FAM83B: variants seen among roughly 807,000 people sequenced by gnomAD.
FAM83B encodes the protein scaffolding CK1 anchoring protein B.
Under a neutral mutation model 38.8 loss-of-function variants are expected in FAM83B, and 26 were observed. That is an observed-to-expected ratio of 0.67 (90% CI 0.49 to 0.93). The LOEUF is 0.93. Among genes scored for constraint, FAM83B ranks in the 40% least tolerant of loss-of-function variants. FAM83B has a pLI of 0.00. For synonymous variants in FAM83B, 419 were observed against 423.1 expected (o/e 0.99, Z 0.12); for missense variants, 1,237 against 1,197.3 (o/e 1.03, Z -0.49).
rs1189061962 is a variant in FAM83B at position 54,941,117 on chromosome 6, A to C, written c.2146A>C (p.Asn716His). Reference sequence around the variant, plus strand: ...TAAAAGCATGCACAATGTGACTCATAACTTGGAGGAGGATGAGGAGGAAGT... The same window carrying C: ...TAAAAGCATGCACAATGTGACTCATCACTTGGAGGAGGATGAGGAGGAAGT... ...SSKSMHNVTHNLEEDEEEVTK... is the reference protein window; with the variant it reads ...SSKSMHNVTHHLEEDEEEVTK... Residue 716 changes from asparagine (N) to histidine (H), a missense_variant, in exon 5 of 5, where the codon AAC becomes CAC. Physicochemically the swap from Asn to His is moderately conservative, Grantham distance 68 (BLOSUM62 1). Transcript: ENST00000306858. 1 of 1,613,652 alleles carries C rather than the reference A, an allele frequency of 6.2e-7. No homozygotes were observed. The highest frequency in any genetic ancestry group is 2.2e-5 in the East Asian group (1 of 44,864).
intron 1 of FAM83B, among the ~76,000 whole-genome samples, chr6:54,850,762 T>A (rs1463231200): frequency 1.3e-5 from 2 of 152,120 alleles, no homozygotes; most frequent in East Asian, 3.9e-4. Flanking sequence ...GGCTCACACG[T>A]GTAATCCCAG....
chr6:54,888,247 A>G (rs1420640729), intron 2 of FAM83B, among the ~76,000 whole-genome samples: 3 of 151,744 alleles, frequency 2.0e-5, no homozygotes, highest in Admixed American at 6.6e-5. Context: ...TGAATTCAAT[A>G]TATGTTTTAT....
At chr6:54,865,732 C>G (rs1771684690) in intron 1 of FAM83B, among the ~76,000 whole-genome samples, 4 of 152,116 alleles carry the variant, frequency 2.6e-5, no homozygotes, top group Non-Finnish European at 5.9e-5. Context: ...GAACATTTTC[C>G]CACTGACCTA....
chr6:54,929,610 C>T (rs1276156552), intron 4 of FAM83B, among the ~76,000 whole-genome samples: 4 of 152,078 alleles, frequency 2.6e-5, no homozygotes, highest in Non-Finnish European at 5.9e-5. Context: ...ATGAAAGTTA[C>T]TTTCAAAAGA....
chr6:54,921,681 T>G (rs1773171888), intron 2 of FAM83B, among the ~76,000 whole-genome samples: 1 of 152,036 alleles, frequency 6.6e-6, no homozygotes, highest in Admixed American at 6.6e-5. Context: ...TAGAACTGGT[T>G]TCTTGATTAA....
intron 4 of FAM83B, among the ~76,000 whole-genome samples, chr6:54,935,057 A>C (rs1773498993): frequency 6.6e-6 from 1 of 152,186 alleles, no homozygotes; most frequent in African/African-American, 2.4e-5. Flanking sequence ...AAAAGAAATA[A>C]ACCTGCATGA....
chr6:54,862,878 C>CCA (rs1771618981), intron 1 of FAM83B, among the ~76,000 whole-genome samples: 1 of 150,078 alleles, frequency 6.7e-6, no homozygotes, highest in Admixed American at 6.6e-5. Context: ...AACCCCCCCC[C>CCA]AAAAAAACCA....
chr6:54,864,331 TC>T (rs2127573842), intron 1 of FAM83B, among the ~76,000 whole-genome samples: 1 of 152,300 alleles, frequency 6.6e-6, no homozygotes, highest in South Asian at 2.1e-4. Context: ...CAAATGGGAT[TC>T]CCATTTGAGA....
chr6:54,923,165 A>C (rs1773209469), intron 2 of FAM83B, among the ~76,000 whole-genome samples: 1 of 151,968 alleles, frequency 6.6e-6, no homozygotes, highest in South Asian at 2.1e-4. Context: ...TGATGTTTTC[A>C]TCTGTAACTA....
intron 1 of FAM83B, among the ~76,000 whole-genome samples, chr6:54,853,536 T>C (rs2127571560): frequency 6.6e-6 from 1 of 152,264 alleles, no homozygotes; most frequent in African/African-American, 2.4e-5. Context: ...CTAAATCTAG[T>C]CTGCCTGTGC....
chr6:54,851,646 T>TG (rs1279181474), intron 1 of FAM83B, among the ~76,000 whole-genome samples: 1 of 107,670 alleles, frequency 9.3e-6, no homozygotes, highest in Non-Finnish European at 2.0e-5. Flanking sequence ...CTAATTTTTG[T>TG]GTTTTTTTTT....
At chr6:54,914,176 T>C (rs1235301232) in intron 2 of FAM83B, among the ~76,000 whole-genome samples, 1 of 152,122 alleles carries the variant, frequency 6.6e-6, no homozygotes, top group Non-Finnish European at 1.5e-5. Flanking sequence ...TAGGTGTCTT[T>C]AAACGTAAGA....
intron 2 of FAM83B, among the ~76,000 whole-genome samples, chr6:54,876,139 A>G (rs564301949): frequency 6.6e-6 from 1 of 151,858 alleles, no homozygotes; most frequent in East Asian, 1.9e-4. Flanking sequence ...CTGAGAAAAG[A>G]ATTTAGCTTT....
intron 2 of FAM83B, among the ~76,000 whole-genome samples, chr6:54,882,259 G>T (rs954157857): frequency 1.3e-5 from 2 of 152,228 alleles, no homozygotes; most frequent in East Asian, 1.9e-4. Flanking sequence ...CTTCTCTAGT[G>T]GGTAGGAGAA....
At chr6:54,881,211 A>T (rs1772124266) in intron 2 of FAM83B, among the ~76,000 whole-genome samples, 1 of 152,156 alleles carries the variant, frequency 6.6e-6, no homozygotes, top group Non-Finnish European at 1.5e-5. Context: ...TATTAGTGAT[A>T]ATATACTCCT....
At chr6:54,878,828 G>A (rs1772058941) in intron 2 of FAM83B, among the ~76,000 whole-genome samples, 1 of 135,206 alleles carries the variant, frequency 7.4e-6, no homozygotes. Flanking sequence ...AAAATTGACT[G>A]TAGGGGACTA....
chr6:54,854,161 CA>C (rs1771383262), intron 1 of FAM83B, among the ~76,000 whole-genome samples: 1 of 152,066 alleles, frequency 6.6e-6, no homozygotes, highest in African/African-American at 2.4e-5. Flanking sequence ...CATAGATGAA[CA>C]AAGAAAGTGG....
chr6:54,900,472 T>TA (rs1384379759), intron 2 of FAM83B, among the ~76,000 whole-genome samples: 6 of 152,156 alleles, frequency 3.9e-5, no homozygotes, highest in Non-Finnish European at 8.8e-5. Context: ...AGTTAATAGC[T>TA]GATCTGATTT....
At chr6:54,869,799 C>T (rs550149617) in intron 1 of FAM83B, among the ~76,000 whole-genome samples, 1 of 152,140 alleles carries the variant, frequency 6.6e-6, no homozygotes, top group Non-Finnish European at 1.5e-5. Context: ...CAATTTGCCT[C>T]CTCAACTAAT....
Sources: allele counts gnomAD v4.1 joint callset (sites outside exome capture counted in the v4.1 genomes callset), GRCh38; gene constraint gnomAD v4.1.1; transcripts MANE v1.5; gene names NCBI Gene and HGNC (gene_info 2026-07-23, HGNC 2026-07-21).